MGA: variants seen among roughly 807,000 people sequenced by gnomAD.
The protein encoded by MGA is MAX dimerization protein MGA.
Under a neutral mutation model 261.1 loss-of-function variants are expected in MGA, and 40 were observed. The observed-to-expected ratio is 0.15, with a 90% confidence interval of 0.12 to 0.20. The LOEUF is 0.20. Among genes scored for constraint, MGA ranks in the 10% least tolerant of loss-of-function variants. The pLI, the probability that MGA is intolerant of heterozygous loss-of-function variation, is 1.00. For synonymous variants in MGA, 1,302 were observed against 1,290.6 expected (o/e 1.01, Z -0.19); for missense variants, 3,397 against 3,630.5 (o/e 0.94, Z 1.65).
intron 1 of MGA, among the ~76,000 whole-genome samples, chr15:41,661,593 C>T (rs1424381789): frequency 2.0e-5 from 3 of 152,110 alleles, no homozygotes; most frequent in African/African-American, 7.2e-5. Context: ...CCAAAGTGCA[C>T]TCTTTTATTG....
At chr15:41,650,552 C>T (rs1239219203) in intron 1 of MGA, among the ~76,000 whole-genome samples, 1 of 152,136 alleles carries the variant, frequency 6.6e-6, no homozygotes, top group Non-Finnish European at 1.5e-5. Context: ...ATTCATCTGT[C>T]TCAGCCTCCC....
intron 7 of MGA, among the ~76,000 whole-genome samples, chr15:41,709,396 G>A (rs2151461625): frequency 6.6e-6 from 1 of 152,168 alleles, no homozygotes; most frequent in East Asian, 1.9e-4. Context: ...TCTTCTTGTG[G>A]TCTTCCTTTT....
chr15:41,669,477 C>G lies in MGA; in HGVS notation c.583C>G (p.His195Asp). 6.2e-7 allele frequency: 1 copy of G among 1,613,960 alleles called. No homozygotes were observed. The highest frequency in any genetic ancestry group is 8.5e-7 in the Non-Finnish European group (1 of 1,179,854). ...GGACCAAGAAGGGCATATCATCTTG[C>G]ACTCTATGCATCGTTACCTGCCGAG... is the stretch of plus-strand genomic sequence containing the variant. The change falls in exon 2 of 24, where the codon CAC becomes GAC. Residue 195 changes from histidine to aspartate, a missense_variant. Around this residue, in one of 9 missense-constraint regions of MGA, gnomAD observed 104 missense variants for 212.9 expected, o/e 0.49. Transcript: ENST00000219905.
intron 15 of MGA, 55 bp from the exon 16 acceptor site, chr15:41,748,582 C>G: frequency 6.5e-7 from 1 of 1,534,180 alleles, no homozygotes; most frequent in Non-Finnish European, 8.8e-7. Context: ...ACTTTTTTTT[C>G]CTACGTGTGT....
In MGA at chr15:41,727,756, AAAAAGCTTTT is replaced by A. The variant is rs535199976; in HGVS notation, c.3657+367_3657+376del. Among the ~76,000 whole-genome samples the A allele has an allele frequency of 3.6e-3, 549 of 152,294 alleles. 6 individuals carry two copies. The highest frequency in any genetic ancestry group is 0.035 in the South Asian group (168 of 4,826). Reference sequence around the variant, plus strand: ...ATATTATTAGTAGAAAAACATTAGGAAAAAGCTTTTAAAAGCTTTTAAAAGCAAATTTAAA... The same window carrying A: ...ATATTATTAGTAGAAAAACATTAGGAAAAAGCTTTTAAAAGCAAATTTAAA... On this transcript the variant is annotated intron_variant, in intron 10 of 23. Coordinates refer to ENST00000219905, the MANE Select transcript of MGA (RefSeq NM_001164273.2).
chr15:41,677,835 A>T (rs577900224), intron 2 of MGA, among the ~76,000 whole-genome samples: 47 of 152,214 alleles, frequency 3.1e-4, no homozygotes, highest in Non-Finnish European at 6.3e-4. Context: ...ATATTAATCC[A>T]TTAGATAAAT....
At chr15:41,654,306 C>T (rs2057123809) in intron 1 of MGA, among the ~76,000 whole-genome samples, 1 of 151,980 alleles carries the variant, frequency 6.6e-6, no homozygotes, top group Non-Finnish European at 1.5e-5. Flanking sequence ...TTTCATCTAT[C>T]TAAGTGTATT....
chr15:41,669,387 A>G lies in MGA; in HGVS notation c.493A>G (p.Thr165Ala), dbSNP rs766630974. 1.3e-5 allele frequency: 21 copies of G among 1,613,994 alleles called. No homozygotes were observed. Among genetic ancestry groups the G allele is most frequent in the Non-Finnish European group, 1.8e-5 (21 of 1,179,884 alleles). Reference sequence around the variant, plus strand: ...TTTCATTCATCCAGAATCTCCTTCCACAGGTCATTATTGGATGCATCAACC... The same window carrying G: ...TTTCATTCATCCAGAATCTCCTTCCGCAGGTCATTATTGGATGCATCAACC... The change falls in exon 2 of 24, where the codon ACA (threonine) becomes GCA (alanine). Residue 165 changes from threonine (T) to alanine (A), a missense_variant. Coordinates refer to ENST00000219905, the MANE Select transcript of MGA (RefSeq NM_001164273.2).
chr15:41,717,503 A>G (rs2060704314), intron 9 of MGA, among the ~76,000 whole-genome samples: 1 of 152,192 alleles, frequency 6.6e-6, no homozygotes, highest in African/African-American at 2.4e-5. Context: ...GAACAACTTT[A>G]TGTCAGTAAA....
At position 41,750,156 on chromosome 15, in the gene MGA, C is replaced by A; in HGVS notation, c.6549C>A (p.Thr2183=). The A allele has an allele frequency of 6.2e-7, 1 of 1,613,876 alleles. No homozygotes were observed. The highest frequency in any genetic ancestry group is 8.5e-7 in the Non-Finnish European group (1 of 1,179,876). The change falls in exon 17 of 24, where the codon ACC becomes ACA. Residue 2183 remains threonine, a synonymous_variant. Coordinates refer to ENST00000219905, the MANE Select transcript of MGA (RefSeq NM_001164273.2). ...GAAAACATCTGAAGGGCCCCTTAACCAGGAAATGTGTTGGAGCTTCACAGG... is the reference window on the plus strand; with the variant it reads ...GAAAACATCTGAAGGGCCCCTTAACAAGGAAATGTGTTGGAGCTTCACAGG...
rs1044626753 is a variant in MGA, at chr15:41,745,501, A to G, written c.5212+2329A>G. On this transcript the variant is annotated intron_variant, in intron 15 of 23. Coordinates refer to ENST00000219905, the MANE Select transcript of MGA (RefSeq NM_001164273.2). ...AATACTAGAGTAACATTAAAGATAT[A>G]TCATCAAAGACTGTACATAAAATAT... Among the ~76,000 whole-genome samples the G allele has an allele frequency of 2.0e-5, 3 of 151,672 alleles. No homozygotes were observed. The East Asian group carries it at 5.8e-4, about 29-fold the overall frequency.
At chr15:41,684,729 A>T (rs2058858379) in intron 2 of MGA, 1 of 165,674 alleles carries the variant, frequency 6.0e-6, no homozygotes, top group African/African-American at 2.4e-5. Context: ...AGATATCGAG[A>T]GAAAAATAGC....
chr15:41,703,375 C>CCG (rs1555419108), intron 5 of MGA, among the ~76,000 whole-genome samples: 6 of 140,630 alleles, frequency 4.3e-5, no homozygotes, highest in African/African-American at 1.3e-4. Flanking sequence ...GTTACCCCCC[C>CCG]CCCCACTCCC....
intron 1 of MGA, among the ~76,000 whole-genome samples, chr15:41,629,041 A>T (rs2056528770): frequency 6.6e-6 from 1 of 151,150 alleles, no homozygotes; most frequent in Non-Finnish European, 1.5e-5. Flanking sequence ...ACTTATGCTT[A>T]ATCATAATGC....
chr15:41,680,668 G>T (rs201671731), intron 2 of MGA, among the ~76,000 whole-genome samples: 1 of 152,178 alleles, frequency 6.6e-6, no homozygotes, highest in South Asian at 2.1e-4. Flanking sequence ...CTAATGAGAC[G>T]TAAAGAACAA....
At chr15:41,765,133 G>C in intron 23 of MGA, 71 bp downstream of exon 23, 4 of 1,513,128 alleles carry the variant, frequency 2.6e-6, no homozygotes, top group South Asian at 2.3e-5. Flanking sequence ...GACCAAGGAA[G>C]GCTTTGGATG....
At chr15:41,726,253 C>T (rs1387562160) in intron 9 of MGA, among the ~76,000 whole-genome samples, 1 of 152,168 alleles carries the variant, frequency 6.6e-6, no homozygotes, top group African/African-American at 2.4e-5. Context: ...CTGCCTCTCA[C>T]TGGTTGGACA....
At position 41,736,188 on chromosome 15, in the gene MGA, C is replaced by T; in HGVS notation, c.3924C>T (p.Ser1308=). 6.4e-7 allele frequency: 1 copy of T among 1,559,238 alleles called. No homozygotes were observed. The highest frequency in any genetic ancestry group is 8.7e-7 in the Non-Finnish European group (1 of 1,152,974). ...ATTATTATTTTACATCAGAAAAGAG[C>T]TGGAAGTCTTCCTGCAATGAAGGAG... is the stretch of plus-strand genomic sequence containing the variant. The change falls in exon 13 of 24, where the codon AGC becomes AGT. Residue 1308 remains serine, a synonymous_variant. Transcript: ENST00000219905.
At chr15:41,727,800 A>T (rs2061327243) in intron 10 of MGA, among the ~76,000 whole-genome samples, 1 of 152,192 alleles carries the variant, frequency 6.6e-6, no homozygotes, top group Non-Finnish European at 1.5e-5. Context: ...AAAATGCATA[A>T]TAATATCAGT....
Sources: allele counts gnomAD v4.1 joint callset (sites outside exome capture counted in the v4.1 genomes callset), GRCh38; gene constraint gnomAD v4.1.1; regional missense constraint gnomAD v4.1.1; transcripts MANE v1.5; gene names NCBI Gene and HGNC (gene_info 2026-07-23, HGNC 2026-07-21).